KRTAP29-1: variants seen among roughly 807,000 people sequenced by gnomAD.
KRTAP29-1 encodes keratin-associated protein 29-1.
For synonymous variants in KRTAP29-1, 142 were observed against 153.6 expected, an observed-to-expected ratio of 0.92 and a Z score of 0.56; for missense variants, 419 against 412.1, an observed-to-expected ratio of 1.02 and a Z score of -0.14.
Position 41,302,197 on chromosome 17 carries a change from C to A in KRTAP29-1, c.655G>T (p.Ala219Ser). 6.4e-7 allele frequency: 1 copy of A among 1,550,508 alleles called. No individual in the cohort carries two copies. Among genetic ancestry groups the A allele is most frequent in the Non-Finnish European group, 8.7e-7 (1 of 1,146,986 alleles). Reference sequence around the variant, plus strand: ...TGGCAGGGAACAGGCATGTAGAGGGCTGATTGGCAAGGCTTGAAAATATAG... The same window carrying A: ...TGGCAGGGAACAGGCATGTAGAGGGATGATTGGCAAGGCTTGAAAATATAG... Reference protein sequence around the residue: ...ICYIFKPCQSALYMPVPCQPS... With the variant: ...ICYIFKPCQSSLYMPVPCQPS... The change falls in exon 1 of 1, where the codon GCC (alanine) becomes TCC (serine). Residue 219 changes from alanine to serine, a missense_variant. Ala to Ser is a moderately conservative substitution (Grantham distance 99). Coordinates refer to ENST00000391353, the MANE Select transcript of KRTAP29-1 (RefSeq NM_001257309.1).
chr17:41,302,213 G>A lies in KRTAP29-1; in HGVS notation c.639C>T (p.Phe213=), dbSNP rs2016840261. The A allele has an allele frequency of 2.6e-6, 4 of 1,550,532 alleles. No homozygotes were observed. The highest frequency in any genetic ancestry group is 3.5e-6 in the Non-Finnish European group (4 of 1,146,986). ...STYYQPICYI[F]KPCQSALYMP... ...TGTAGAGGGCTGATTGGCAAGGCTT[G>A]AAAATATAGCAGATGGGTTGATAAT... Residue 213 remains phenylalanine, a synonymous_variant, in exon 1 of 1, where the codon TTC becomes TTT. Coordinates refer to ENST00000391353, the MANE Select transcript of KRTAP29-1 (RefSeq NM_001257309.1).
chr17:41,301,862 G>A lies in KRTAP29-1; in HGVS notation c.990C>T (p.Ser330=). 6.4e-7 allele frequency: 1 copy of A among 1,550,614 alleles called. No individual in the cohort carries two copies. Among genetic ancestry groups the A allele is most frequent in the Non-Finnish European group, 8.7e-7 (1 of 1,146,992 alleles). ...SNCLPTSCQP[S]CESSFCKATL... ...TTGCCTTGCAGAAGCTGGACTCACA[G>A]CTGGGTTGGCATGAAGTCGGCAAGC... Residue 330 remains serine, a synonymous_variant, in exon 1 of 1, where the codon AGC becomes AGT. Coordinates refer to ENST00000391353, the MANE Select transcript of KRTAP29-1 (RefSeq NM_001257309.1).
rs764728990 is a variant in KRTAP29-1, at chr17:41,301,942, T to G, written c.910A>C (p.Lys304Gln). 1 of 1,550,614 alleles carries G rather than the reference T, an allele frequency of 6.4e-7. No individual in the cohort carries two copies. The highest frequency in any genetic ancestry group is 2.4e-5 in the East Asian group (1 of 40,916). Residue 304 changes from lysine (K) to glutamine (Q), a missense_variant, in exon 1 of 1, where the codon AAA (lysine) becomes CAA (glutamine). Coordinates refer to ENST00000391353, the MANE Select transcript of KRTAP29-1 (RefSeq NM_001257309.1). ...AAACCAGTCACACAGCAAGCTGATT[T>G]GCAGCCACTCTGGTTATAGGAAGGG... ...GPPSYNQSGC[K>Q]SACCVTGLGT...
Position 41,302,349 on chromosome 17 carries a change from T to C in KRTAP29-1, c.503A>G (p.Glu168Gly). 1 of 1,550,458 alleles carries C rather than the reference T, an allele frequency of 6.4e-7. No homozygotes were observed. The highest frequency in any genetic ancestry group is 2.0e-5 in the Admixed American group (1 of 51,002). ...ACAGATGGTTGGTAGGCAAGAAGTTTCCGGACAGGAGGTCACTTCAGAGCA... is the reference window on the plus strand; with the variant it reads ...ACAGATGGTTGGTAGGCAAGAAGTTCCCGGACAGGAGGTCACTTCAGAGCA... ...PSCSEVTSCP[E>G]TSCLPTICTA... Residue 168 changes from glutamate to glycine, a missense_variant, in exon 1 of 1, where the codon GAA becomes GGA. Physicochemically the swap from Glu to Gly is moderately conservative, Grantham distance 98. Coordinates refer to ENST00000391353, the MANE Select transcript of KRTAP29-1 (RefSeq NM_001257309.1).
At position 41,302,266 on chromosome 17, in the gene KRTAP29-1, C is replaced by G. The variant is rs1263288910; in HGVS notation, c.586G>C (p.Gly196Arg). ...GTTGATTTACAGGGCTGGCCTTCAC[C>G]ACTGACGGGTTGACATGAACTTCCT... ...CQGSSCQPVS[G>R]EGQPCKSTYY... The change falls in exon 1 of 1, where the codon GGT becomes CGT. Residue 196 changes from glycine (G) to arginine (R), a missense_variant. Transcript: ENST00000391353. 6.4e-7 allele frequency: 1 copy of G among 1,550,500 alleles called. No homozygotes were observed. Among genetic ancestry groups the G allele is most frequent in the Non-Finnish European group, 8.7e-7 (1 of 1,146,978 alleles).
Position 41,302,647 on chromosome 17 carries a change from G to C in KRTAP29-1, c.205C>G (p.Pro69Ala), listed in dbSNP as rs1307065251. 18 of 1,550,538 alleles carry C rather than the reference G, an allele frequency of 1.2e-5. No individual in the cohort carries two copies. The highest frequency in any genetic ancestry group is 1.6e-5 in the Non-Finnish European group (18 of 1,147,016). Residue 69 changes from proline (P) to alanine (A), a missense_variant, in exon 1 of 1, where the codon CCT (proline) becomes GCT (alanine). Coordinates refer to ENST00000391353, the MANE Select transcript of KRTAP29-1 (RefSeq NM_001257309.1). ...PSGCDPASCQ[P>A]TRLPATSCVG... The stretch of plus-strand genomic sequence containing the variant: ...CAAGACGTTGCTGGAAGGCGGGTAG[G>C]TTGACACGAAGCAGGATCACAGCCA...
chr17:41,302,230 G>GT, the KRTAP29-1 span: 5 of 1,550,502 alleles, frequency 3.2e-6, no homozygotes, highest in South Asian at 5.9e-5. Context: ...TAGCAGATGG[G>GT]TTGATAATAA....
Position 41,302,766 on chromosome 17 carries a change from C to G in KRTAP29-1, c.86G>C (p.Arg29Pro). ...ITTYPVKGGF[R>P]HALCLPSSCH... Reference sequence around the variant, plus strand: ...GGAACTAGGCAAACAGAGAGCATGTCGAAATCCACCTTTAACTGGGTATGT... The same window carrying G: ...GGAACTAGGCAAACAGAGAGCATGTGGAAATCCACCTTTAACTGGGTATGT... The change falls in exon 1 of 1, where the codon CGA (arginine) becomes CCA (proline). Residue 29 changes from arginine to proline, a missense_variant. Arg to Pro is a moderately radical substitution (Grantham distance 103). Coordinates refer to ENST00000391353, the MANE Select transcript of KRTAP29-1 (RefSeq NM_001257309.1). The G allele has an allele frequency of 6.4e-7, 1 of 1,550,748 alleles. No individual in the cohort carries two copies. The highest frequency in any genetic ancestry group is 8.7e-7 in the Non-Finnish European group (1 of 1,147,026).
chr17:41,301,830 CAA>C, the KRTAP29-1 span: 1 of 1,549,936 alleles, frequency 6.5e-7, no homozygotes, highest in African/African-American at 1.4e-5. Flanking sequence ...GCTCCATTAA[CAA>C]AGTGTTGCCT....
Position 41,302,784 on chromosome 17 carries a change from G to A in KRTAP29-1, c.68C>T (p.Pro23Leu). The A allele has an allele frequency of 6.4e-7, 1 of 1,550,842 alleles. No individual in the cohort carries two copies. ...IPAVPTITTY[P>L]VKGGFRHALC... ...AGCATGTCGAAATCCACCTTTAACT[G>A]GGTATGTGGTGATGGTGGGCACAGC... is the stretch of plus-strand genomic sequence containing the variant. Residue 23 changes from proline to leucine, a missense_variant, in exon 1 of 1, where the codon CCA becomes CTA. Coordinates refer to ENST00000391353, the MANE Select transcript of KRTAP29-1 (RefSeq NM_001257309.1).
rs1279110301 is a variant in KRTAP29-1, at chr17:41,301,999, C to G, written c.853G>C (p.Val285Leu). The G allele has an allele frequency of 1.1e-5, 17 of 1,550,606 alleles. No homozygotes were observed. The highest frequency in any genetic ancestry group is 1.5e-5 in the Non-Finnish European group (17 of 1,147,010). The change falls in exon 1 of 1, where the codon GTG (valine) becomes CTG (leucine). Residue 285 changes from valine to leucine, a missense_variant. Val to Leu is a conservative substitution (Grantham distance 32). Transcript: ENST00000391353. Reference sequence around the variant, plus strand: ...TCACAAGTTGGTTGGCCAGAAATCACAGTGTCACAAGAAGCTGGTTTGCAA... The same window carrying G: ...TCACAAGTTGGTTGGCCAGAAATCAGAGTGTCACAAGAAGCTGGTTTGCAA... ...NCCKPASCDT[V>L]ISGQPTCDGP...
Position 41,302,017 on chromosome 17 carries a change from G to A in KRTAP29-1, c.835C>T (p.Pro279Ser), listed in dbSNP as rs1160964699. The change falls in exon 1 of 1, where the codon CCA becomes TCA. Residue 279 changes from proline (P) to serine (S), a missense_variant. Transcript: ENST00000391353. ...APCSTKNCCK[P>S]ASCDTVISGQ... ...GAAATCACAGTGTCACAAGAAGCTGGTTTGCAACAGTTCTTTGTGGAACAA... is the reference window on the plus strand; with the variant it reads ...GAAATCACAGTGTCACAAGAAGCTGATTTGCAACAGTTCTTTGTGGAACAA... 6 of 1,550,512 alleles carry A rather than the reference G, an allele frequency of 3.9e-6. No homozygotes were observed. Among genetic ancestry groups the A allele is most frequent in the Non-Finnish European group, 5.2e-6 (6 of 1,147,020 alleles).
chr17:41,302,033 T>C lies in KRTAP29-1; in HGVS notation c.819A>G (p.Thr273=). The C allele has an allele frequency of 6.4e-7, 1 of 1,550,576 alleles. No individual in the cohort carries two copies. Among genetic ancestry groups the C allele is most frequent in the Non-Finnish European group, 8.7e-7 (1 of 1,146,996 alleles). The change falls in exon 1 of 1, where the codon ACA becomes ACG. Residue 273 remains threonine, a synonymous_variant. Transcript: ENST00000391353. ...AAGAAGCTGGTTTGCAACAGTTCTT[T>C]GTGGAACAAGGGGCCTGGCAGTTAG... ...PVANCQAPCS[T]KNCCKPASCD...
the KRTAP29-1 span, chr17:41,302,132 G>T: frequency 1.3e-6 from 2 of 1,550,660 alleles, no homozygotes; most frequent in East Asian, 4.9e-5. Context: ...AAGGCACACA[G>T]CAAGTAGTAT....
In KRTAP29-1 at chr17:41,302,489, G is replaced by A. The variant is rs563142887; in HGVS notation, c.363C>T (p.Cys121=). The A allele has an allele frequency of 2.2e-5, 34 of 1,550,528 alleles. No homozygotes were observed. In the East Asian group the frequency reaches 2.4e-4, roughly 11 times the overall value. Reference sequence around the variant, plus strand: ...AGCTTTGCTGGCAGGGACTGGCATCGCAGCACTTTTCCTGACAACAAGTAG... The same window carrying A: ...AGCTTTGCTGGCAGGGACTGGCATCACAGCACTTTTCCTGACAACAAGTAG... ...SESTCCQEKC[C]DASPCQQSSC... The change falls in exon 1 of 1, where the codon TGC becomes TGT. Residue 121 remains cysteine (C), a synonymous_variant. Transcript: ENST00000391353.
chr17:41,302,183 A>G lies in KRTAP29-1; in HGVS notation c.669T>C (p.Pro223=), dbSNP rs1236986670. The part of the protein sequence containing the change: ...FKPCQSALYM[P]VPCQPSTCVF... ...CACAAGTCGATGGCTGGCAGGGAAC[A>G]GGCATGTAGAGGGCTGATTGGCAAG... The change falls in exon 1 of 1, where the codon CCT becomes CCC. Residue 223 remains proline, a synonymous_variant. Transcript: ENST00000391353. The G allele has an allele frequency of 6.4e-7, 1 of 1,550,612 alleles. No homozygotes were observed. The highest frequency in any genetic ancestry group is 8.7e-7 in the Non-Finnish European group (1 of 1,146,990).
Position 41,302,766 on chromosome 17 carries a change from C to A in KRTAP29-1, c.86G>T (p.Arg29Leu). ...ITTYPVKGGF[R>L]HALCLPSSCH... ...GGAACTAGGCAAACAGAGAGCATGT[C>A]GAAATCCACCTTTAACTGGGTATGT... is the stretch of plus-strand genomic sequence containing the variant. The change falls in exon 1 of 1, where the codon CGA (arginine) becomes CTA (leucine). Residue 29 changes from arginine to leucine, a missense_variant. Transcript: ENST00000391353. 1 of 1,550,748 alleles carries A rather than the reference C, an allele frequency of 6.4e-7. No homozygotes were observed. The highest frequency in any genetic ancestry group is 1.4e-5 in the African/African-American group (1 of 73,178).
In KRTAP29-1 at chr17:41,302,692, G is replaced by T; in HGVS notation, c.160C>A (p.Pro54Thr). ...QLVTCQESCQ[P>T]SIGAPSGCDP... The stretch of plus-strand genomic sequence containing the variant: ...CAGCCACTTGGGGCACCAATGGATG[G>T]CTGACAGCTTTCTTGGCATGTGACC... Residue 54 changes from proline (P) to threonine (T), a missense_variant, in exon 1 of 1, where the codon CCA becomes ACA. Pro to Thr is a conservative substitution (Grantham distance 38, BLOSUM62 -1). Coordinates refer to ENST00000391353, the MANE Select transcript of KRTAP29-1 (RefSeq NM_001257309.1). The T allele has an allele frequency of 6.4e-7, 1 of 1,550,678 alleles. No individual in the cohort carries two copies. The highest frequency in any genetic ancestry group is 8.7e-7 in the Non-Finnish European group (1 of 1,147,006).
rs1381467275 is a variant in KRTAP29-1 at position 41,302,344 on chromosome 17, A to T, written c.508T>A (p.Ser170Thr). 6.4e-7 allele frequency: 1 copy of T among 1,550,538 alleles called. No homozygotes were observed. Among genetic ancestry groups the T allele is most frequent in the Non-Finnish European group, 8.7e-7 (1 of 1,146,962 alleles). ...CSEVTSCPET[S>T]CLPTICTASP... ...GCTGTACAGATGGTTGGTAGGCAAG[A>T]AGTTTCCGGACAGGAGGTCACTTCA... The change falls in exon 1 of 1, where the codon TCT (serine) becomes ACT (threonine). Residue 170 changes from serine to threonine, a missense_variant. Transcript: ENST00000391353.
Sources: allele counts gnomAD v4.1 joint callset, GRCh38; gene constraint gnomAD v4.1.1; transcripts MANE v1.5; gene names NCBI Gene and HGNC (gene_info 2026-07-23, HGNC 2026-07-21).